Variants in NCK1 observed in about 807,000 individuals in gnomAD.
NCK1 encodes the protein NCK adaptor protein 1.
A neutral mutation model predicts 36.6 loss-of-function variants in NCK1; 19 were observed. That is an observed-to-expected ratio of 0.52 (90% CI 0.36 to 0.76). The LOEUF is 0.76. NCK1 is among the 30% of genes least tolerant of loss of function. The probability of loss-of-function intolerance (pLI) is 0.00; values close to 1 mark genes in which losing one functional copy is unlikely to be tolerated. For missense variants in NCK1, 358 were observed against 445.6 expected (o/e 0.80, Z 1.77); for synonymous variants, 165 against 156.0 (o/e 1.06, Z -0.43).
intron 1 of NCK1, among the ~76,000 whole-genome samples, chr3:136,903,267 A>G (rs1460886311): frequency 6.6e-6 from 1 of 152,046 alleles, no homozygotes; most frequent in African/African-American, 2.4e-5. Context: ...AAGTATAGCT[A>G]CTTCTAGTCA....
At chr3:136,924,083 T>C (rs527309408) in intron 1 of NCK1, among the ~76,000 whole-genome samples, 2 of 152,310 alleles carry the variant, frequency 1.3e-5, no homozygotes, top group African/African-American at 2.4e-5. Context: ...GGTAAAACCA[T>C]TGGGTAGAGG....
chr3:136,872,212 G>A (rs1364422705), intron 1 of NCK1, among the ~76,000 whole-genome samples: 1 of 152,196 alleles, frequency 6.6e-6, no homozygotes. Context: ...TGCTGATTGC[G>A]ATATGGACCA....
At chr3:136,894,167 AG>A (rs1939332365) in intron 1 of NCK1, among the ~76,000 whole-genome samples, 1 of 152,162 alleles carries the variant, frequency 6.6e-6, no homozygotes, top group African/African-American at 2.4e-5. Flanking sequence ...ATAGTGACCA[AG>A]TGGTGGTTGT....
intron 1 of NCK1, among the ~76,000 whole-genome samples, chr3:136,868,858 C>G (rs1220524019): frequency 6.6e-6 from 1 of 152,196 alleles, no homozygotes; most frequent in East Asian, 1.9e-4. Flanking sequence ...AGTGTTAGAA[C>G]TGTAACACCT....
intron 1 of NCK1, among the ~76,000 whole-genome samples, chr3:136,926,711 T>A (rs1265932037): frequency 6.6e-6 from 1 of 152,250 alleles, no homozygotes; most frequent in Non-Finnish European, 1.5e-5. Flanking sequence ...TCAATATGAT[T>A]TCTTCTTAGA....
chr3:136,918,141 G>A (rs1050931705), intron 1 of NCK1, among the ~76,000 whole-genome samples: 1 of 152,142 alleles, frequency 6.6e-6, no homozygotes, highest in African/African-American at 2.4e-5. Context: ...GAAAAGATGG[G>A]TGGTTTTATT....
intron 1 of NCK1, among the ~76,000 whole-genome samples, chr3:136,885,421 C>T (rs1456517403): frequency 6.6e-6 from 1 of 152,294 alleles, no homozygotes; most frequent in Non-Finnish European, 1.5e-5. Context: ...GATAACTCTT[C>T]AGCTCCTTAC....
intron 2 of NCK1, chr3:136,930,492 G>T (rs1940363053): frequency 2.2e-6 from 3 of 1,343,740 alleles, no homozygotes; most frequent in Admixed American, 3.0e-5. Flanking sequence ...CAGAACAGAC[G>T]AGGAAGCTCA....
intron 1 of NCK1, among the ~76,000 whole-genome samples, chr3:136,873,089 T>A (rs1938673984): frequency 6.6e-6 from 1 of 152,086 alleles, no homozygotes; most frequent in Non-Finnish European, 1.5e-5. Context: ...TCCTCCAGCC[T>A]CCAGAATGAT....
chr3:136,908,690 T>A (rs1939752503), intron 1 of NCK1, among the ~76,000 whole-genome samples: 1 of 152,192 alleles, frequency 6.6e-6, no homozygotes, highest in Non-Finnish European at 1.5e-5. Flanking sequence ...AATATATATT[T>A]TTTACTGTGG....
Position 136,867,390 on chromosome 3 carries a change from A to G in NCK1, c.-19+5037A>G, listed in dbSNP as rs1938481582. On this transcript the variant is annotated intron_variant, in intron 1 of 3. Coordinates refer to ENST00000481752, the MANE Select transcript of NCK1 (RefSeq NM_001291999.2). Reference sequence around the variant, plus strand: ...CCAAAGGCCAGGATTACAGGTGTGCATCAATGTCTGGCTAATTTTTTTTTT... The same window carrying G: ...CCAAAGGCCAGGATTACAGGTGTGCGTCAATGTCTGGCTAATTTTTTTTTT... The G allele has an allele frequency of 2.0e-5, 3 of 147,732 alleles. No homozygotes were observed. In the Admixed American group the frequency reaches 2.1e-4, roughly 10 times the overall value. The allele number at this position is 147,732 out of a possible 1,614,324, so 9.2% of individuals were successfully genotyped here.
chr3:136,945,215 G>A (rs1418154336), intron 2 of NCK1, among the ~76,000 whole-genome samples: 1 of 152,108 alleles, frequency 6.6e-6, no homozygotes, highest in African/African-American at 2.4e-5. Context: ...AGAAGAGTAT[G>A]GGTGTGGTGG....
At chr3:136,864,342 T>C (rs1258995388) in intron 1 of NCK1, among the ~76,000 whole-genome samples, 2 of 145,866 alleles carry the variant, frequency 1.4e-5, no homozygotes, top group African/African-American at 5.1e-5. Flanking sequence ...AATACAAAAA[T>C]TATCCGGGCG....
Position 136,949,457 on chromosome 3 carries a change from T to C in NCK1, c.*1004T>C, listed in dbSNP as rs565325720. On this transcript the variant is annotated 3_prime_UTR_variant, in exon 4 of 4. Transcript: ENST00000481752. ...TGGGACACTAAAACTGATGTATACC[T>C]GAGGAAAAAATAGAATGTGCTCATG... 11 of 152,118 alleles carry C rather than the reference T, an allele frequency of 7.2e-5. No homozygotes were observed. Among genetic ancestry groups the C allele is most frequent in the African/African-American group, 2.6e-4 (11 of 41,562 alleles). 9.4% of individuals were successfully genotyped at this position (152,118 alleles called of 1,614,324 possible).
chr3:136,910,231 G>A (rs1374542557), intron 1 of NCK1, among the ~76,000 whole-genome samples: 3 of 151,924 alleles, frequency 2.0e-5, no homozygotes, highest in Admixed American at 6.5e-5. Context: ...GCTACTTTTT[G>A]TAGTTACCAT....
intron 1 of NCK1, among the ~76,000 whole-genome samples, chr3:136,887,905 C>CA (rs1939113995): frequency 6.6e-6 from 1 of 151,686 alleles, no homozygotes; most frequent in African/African-American, 2.4e-5. Flanking sequence ...ATCTTTTATT[C>CA]ATCGCCTTTA....
intron 1 of NCK1, among the ~76,000 whole-genome samples, chr3:136,920,642 TATC>T (rs1427718265): frequency 9.9e-5 from 15 of 152,166 alleles, no homozygotes; most frequent in African/African-American, 3.6e-4. Context: ...CCAAGATCAG[TATC>T]ATCATCCTAT....
chr3:136,893,185 T>TTTGGGCTGGTTCC (rs1939297636), intron 1 of NCK1, among the ~76,000 whole-genome samples: 1 of 19,468 alleles, frequency 5.1e-5, no homozygotes, highest in African/African-American at 1.5e-4. Flanking sequence ...TGTGTATATA[T>TTTGGGCTGGTTCC]ATATATACAC....
At position 136,945,670 on chromosome 3, in the gene NCK1, A is replaced by G. The variant is rs1940795085; in HGVS notation, c.314A>G (p.Tyr105Cys). The G allele has an allele frequency of 4.3e-6, 7 of 1,614,132 alleles. No homozygotes were observed. Among genetic ancestry groups the G allele is most frequent in the South Asian group, 1.1e-5 (1 of 91,078 alleles). The change falls in exon 3 of 4, where the codon TAT (tyrosine) becomes TGT (cysteine). Residue 105 changes from tyrosine (Y) to cysteine (C), a missense_variant. Coordinates refer to ENST00000481752, the MANE Select transcript of NCK1 (RefSeq NM_001291999.2). ...TTTGTTGACCCAGGGGAACGTCTCT[A>G]TGACCTCAACATGCCCGCTTATGTG... is the stretch of plus-strand genomic sequence containing the variant. ...DSFVDPGERL[Y>C]DLNMPAYVKF...
Sources: allele counts gnomAD v4.1 joint callset (sites outside exome capture counted in the v4.1 genomes callset), GRCh38; gene constraint gnomAD v4.1.1; transcripts MANE v1.5; gene names NCBI Gene and HGNC (gene_info 2026-07-23, HGNC 2026-07-21).